The following TRAF3IP3 variants were observed in gnomAD, a reference collection of about 807,000 sequenced individuals.
TRAF3IP3 encodes the protein TRAF3-interacting JNK-activating modulator.
Under a neutral mutation model 86.5 loss-of-function variants are expected in TRAF3IP3, and 64 were observed. The observed-to-expected ratio is 0.74, with a 90% CI of 0.60 to 0.91. TRAF3IP3 has a LOEUF of 0.91. Ranked by LOEUF, TRAF3IP3 falls within the 40% of genes least tolerant of loss-of-function variation. TRAF3IP3 has a pLI of 0.00. For synonymous variants in TRAF3IP3, 220 were observed against 243.9 expected, an observed-to-expected ratio of 0.90 and a Z score of 0.91; for missense variants, 579 against 642.9, an observed-to-expected ratio of 0.90 and a Z score of 1.07.
chr1:209,769,485 G>T (rs2077421970), intron 8 of TRAF3IP3, among the ~76,000 whole-genome samples: 1 of 152,230 alleles, frequency 6.6e-6, no homozygotes, highest in Non-Finnish European at 1.5e-5. Context: ...ATAGCAGGAG[G>T]CACTTTAAAA....
chr1:209,770,127 A>G (rs979228339), intron 8 of TRAF3IP3, among the ~76,000 whole-genome samples: 2 of 152,186 alleles, frequency 1.3e-5, no homozygotes, highest in Admixed American at 1.3e-4. Flanking sequence ...TGAGATTAGC[A>G]TCTTTCTTGG....
At chr1:209,777,260 T>G in intron 11 of TRAF3IP3, 92 bp from the exon 12 acceptor site, 1 of 1,194,720 alleles carries the variant, frequency 8.4e-7, no homozygotes, top group South Asian at 1.7e-5. Context: ...AATTCCAGAC[T>G]TTTCTACATT....
intron 1 of TRAF3IP3, 82 bp from the exon 2 acceptor site, chr1:209,758,952 T>A (rs6540554): frequency 0.36 from 54,452 of 152,082 alleles, 12,924 homozygotes; most frequent in African/African-American, 0.68. Flanking sequence ...ATGCAGAGGG[T>A]CATCCTGTGG....
Position 209,775,610 on chromosome 1 carries a change from C to T in TRAF3IP3, c.927C>T (p.Ala309=). The T allele has an allele frequency of 1.2e-6, 2 of 1,614,136 alleles. No homozygotes were observed. Among genetic ancestry groups the T allele is most frequent in the Non-Finnish European group, 1.7e-6 (2 of 1,180,008 alleles). Residue 309 remains alanine (A), a synonymous_variant, in exon 11 of 17, where the codon GCC becomes GCT. Transcript: ENST00000367025. ...QQLQSTQRSL[A]LAEQKCEEWR... is the part of the protein sequence containing the mutation. ...CTGATCTCCCTCAGCGATCCCTGGC[C>T]CTGGCAGAGCAGAAGTGTGAAGAGT...
intron 9 of TRAF3IP3, 140 bp downstream of exon 9, chr1:209,773,159 G>C: frequency 2.9e-6 from 2 of 701,206 alleles, no homozygotes; most frequent in South Asian, 2.0e-5. Flanking sequence ...TTTCTGGCTT[G>C]GCCATTTACA....
chr1:209,756,925 AG>A (rs1306608600), intron 1 of TRAF3IP3, among the ~76,000 whole-genome samples: 1 of 152,206 alleles, frequency 6.6e-6, no homozygotes. Flanking sequence ...TCATGCTGCC[AG>A]GGGGGAACCT....
chr1:209,760,154 G>A lies in TRAF3IP3; in HGVS notation c.115G>A (p.Val39Met). 2 of 1,614,238 alleles carry A rather than the reference G, an allele frequency of 1.2e-6. No individual in the cohort carries two copies. Among genetic ancestry groups the A allele is most frequent in the Non-Finnish European group, 1.7e-6 (2 of 1,180,048 alleles). The change falls in exon 3 of 17, where the codon GTG (valine) becomes ATG (methionine). Residue 39 changes from valine to methionine, a missense_variant. Coordinates refer to ENST00000367025, the MANE Select transcript of TRAF3IP3 (RefSeq NM_025228.4). ...IRESRRCRPN[V>M]TTCRQVGKTL... ...TGAAAGCCGCCGCTGCCGTCCCAAT[G>A]TGACCACTTGCCGCCAGGTGGGGAA...
chr1:209,757,040 C>T (rs2077166037), intron 1 of TRAF3IP3, among the ~76,000 whole-genome samples: 1 of 152,206 alleles, frequency 6.6e-6, no homozygotes, highest in African/African-American at 2.4e-5. Flanking sequence ...AGCCGTCCCA[C>T]ATACCTTCTT....
chr1:209,760,803 G>C (rs1413774151), intron 3 of TRAF3IP3, among the ~76,000 whole-genome samples: 1 of 152,010 alleles, frequency 6.6e-6, no homozygotes, highest in Non-Finnish European at 1.5e-5. Context: ...GCATGGTGGT[G>C]CACACCTGTA....
At position 209,781,248 on chromosome 1, in the gene TRAF3IP3, A is replaced by C. The variant is rs1043137943; in HGVS notation, c.1450-97A>C. 1.3e-5 allele frequency: 10 copies of C among 748,090 alleles called. No individual in the cohort carries two copies. The African/African-American group carries it at 1.6e-4, about 12-fold the overall frequency. The allele number at this position is 748,090 out of a possible 1,614,324, so 46.3% of individuals were successfully genotyped here. A position where few individuals can be genotyped will look rare whatever the true frequency, so the allele number is the denominator to read the frequency against. On this transcript the variant is annotated intron_variant, in intron 15 of 16. Coordinates refer to ENST00000367025, the MANE Select transcript of TRAF3IP3 (RefSeq NM_025228.4). ...CTGGGAAGGGAAGATGGTGGTAAAA[A>C]TTCCAAATGAGTGAAACTTACAAAG...
intron 8 of TRAF3IP3, among the ~76,000 whole-genome samples, chr1:209,764,522 A>G (rs910312503): frequency 2.0e-5 from 3 of 152,120 alleles, no homozygotes; most frequent in Non-Finnish European, 4.4e-5. Context: ...CGGGTGGATC[A>G]CCTGAGGTCA....
intron 7 of TRAF3IP3, 49 bp downstream of exon 7, chr1:209,763,441 C>T (rs772429358): frequency 8.1e-6 from 13 of 1,612,700 alleles, no homozygotes; most frequent in Admixed American, 5.0e-5. Context: ...CACTTACCCC[C>T]GATCCTCCAG....
chr1:209,768,663 G>A, intron 8 of TRAF3IP3: 1 of 985,664 alleles, frequency 1.0e-6, no homozygotes, highest in Non-Finnish European at 1.2e-6. Flanking sequence ...GGCACCAGGT[G>A]TGTATGGCCT....
chr1:209,763,426 C>T, intron 7 of TRAF3IP3, 34 bp downstream of exon 7: 1 of 1,613,562 alleles, frequency 6.2e-7, no homozygotes, highest in African/African-American at 1.3e-5. Flanking sequence ...CTCAGTTCCT[C>T]CATCCACTTA....
Position 209,760,359 on chromosome 1 carries a change from G to A in TRAF3IP3, c.320G>A (p.Arg107Lys). The A allele has an allele frequency of 6.2e-7, 1 of 1,606,710 alleles. No individual in the cohort carries two copies. The highest frequency in any genetic ancestry group is 8.5e-7 in the Non-Finnish European group (1 of 1,176,558). The change falls in exon 3 of 17, where the codon AGA becomes AAA. Residue 107 changes from arginine (R) to lysine (K), a missense_variant. Physicochemically the swap from Arg to Lys is conservative, Grantham distance 26. Coordinates refer to ENST00000367025, the MANE Select transcript of TRAF3IP3 (RefSeq NM_025228.4). Reference protein sequence around the residue: ...TVLKEPLSCARRISSPREQVT... With the variant: ...TVLKEPLSCAKRISSPREQVT... Reference sequence around the variant, plus strand: ...CTCAAGGAACCCTTGTCTTGTGCCAGAAGGATTTCTTCTCCCAGAGAGCAG... The same window carrying A: ...CTCAAGGAACCCTTGTCTTGTGCCAAAAGGATTTCTTCTCCCAGAGAGCAG...
intron 8 of TRAF3IP3, among the ~76,000 whole-genome samples, chr1:209,770,450 T>TGTGTGTGTGC: frequency 7.4e-6 from 1 of 135,098 alleles, no homozygotes; most frequent in African/African-American, 3.0e-5. Flanking sequence ...CAGGTGGAGG[T>TGTGTGTGTGC]ATGTGTGTGC....
At position 209,780,524 on chromosome 1, in the gene TRAF3IP3, A is replaced by C; in HGVS notation, c.1367A>C (p.Glu456Ala). Reference sequence around the variant, plus strand: ...TCCTTCCCTAACGAAGTGGAGCCTGAGGGTACAGGGAAGGAGAAAGACTGG... The same window carrying C: ...TCCTTCCCTAACGAAGTGGAGCCTGCGGGTACAGGGAAGGAGAAAGACTGG... ...PKSFPNEVEP[E>A]GTGKEKDWDL... is the part of the protein sequence containing the mutation. Residue 456 changes from glutamate to alanine, a missense_variant, in exon 15 of 17, where the codon GAG becomes GCG. Transcript: ENST00000367025. 2 of 1,603,580 alleles carry C rather than the reference A, an allele frequency of 1.2e-6. No homozygotes were observed.
rs62644006 is a variant in TRAF3IP3 at position 209,771,053 on chromosome 1, T to A, written c.703-1895T>A. On this transcript the variant is annotated intron_variant, in intron 8 of 16. Transcript: ENST00000367025. Reference sequence around the variant, plus strand: ...GTGTGCTCAGGTGGAAGTGTGCGTGTGCATGTGGAGGTGTGTGTGCAGGTG... The same window carrying A: ...GTGTGCTCAGGTGGAAGTGTGCGTGAGCATGTGGAGGTGTGTGTGCAGGTG... Among the ~76,000 whole-genome samples the A allele has an allele frequency of 2.5e-5, 3 of 120,968 alleles. No homozygotes were observed. The Admixed American group carries it at 2.6e-4, about 10-fold the overall frequency. 79.4% of individuals were successfully genotyped at this position (120,968 alleles called of 152,430 possible). A position where few individuals can be genotyped will look rare whatever the true frequency, so the allele number is the denominator to read the frequency against.
At chr1:209,781,758 G>C (rs1243898119) in intron 16 of TRAF3IP3, 1 of 490,022 alleles carries the variant, frequency 2.0e-6, no homozygotes, top group East Asian at 3.6e-5. Flanking sequence ...GGACACAAAA[G>C]TACTGGGGAA....
Sources: gnomAD v4.1 joint callset for allele counts (sites outside exome capture counted in the v4.1 genomes callset) on GRCh38, gnomAD v4.1.1 for gene constraint, MANE v1.5 for transcripts, NCBI Gene and HGNC (gene_info 2026-07-23, HGNC 2026-07-21) for gene names.